The following EYA1 variants were observed in gnomAD, a reference collection of about 807,000 sequenced individuals.
EYA1 encodes the protein EYA transcriptional coactivator and phosphatase 1.
In EYA1, 16 loss-of-function variants were observed where a neutral mutation model predicts 82.0. The observed-to-expected ratio is 0.20, with a 90% confidence interval of 0.13 to 0.30. The LOEUF (loss-of-function observed/expected upper bound fraction) is 0.30. EYA1 is among the 10% of genes least tolerant of loss of function. The pLI is 1.00. For missense variants in EYA1, 633 were observed against 730.7 expected (o/e 0.87, Z 1.54); for synonymous variants, 261 against 264.4 (o/e 0.99, Z 0.12).
At chr8:71,497,267 T>C (rs1356216849) in intron 2 of EYA1, among the ~76,000 whole-genome samples, 2 of 152,192 alleles carry the variant, frequency 1.3e-5, no homozygotes, top group African/African-American at 4.8e-5. Context: ...TTTAGAAATT[T>C]GTGTTGGGCC....
At chr8:71,279,905 T>C (rs369621578) in intron 9 of EYA1, among the ~76,000 whole-genome samples, 30 of 152,306 alleles carry the variant, frequency 2.0e-4, no homozygotes, top group East Asian at 3.9e-4. Context: ...ATTTTTCCTG[T>C]CAAGAGTCAT....
At chr8:71,389,496 A>G (rs756695713) in intron 2 of EYA1, among the ~76,000 whole-genome samples, 2 of 152,202 alleles carry the variant, frequency 1.3e-5, no homozygotes, top group African/African-American at 4.8e-5. Context: ...ACAAGTTTCA[A>G]AACGTGAGTT....
At chr8:71,207,835 G>A (rs1808009539) in intron 17 of EYA1, among the ~76,000 whole-genome samples, 1 of 113,306 alleles carries the variant, frequency 8.8e-6, no homozygotes, top group Admixed American at 1.1e-4. Flanking sequence ...AATTGTAATA[G>A]AATACTTTTG....
In EYA1 at chr8:71,516,912, T is replaced by C. The variant is rs77254605; in HGVS notation, c.33+18832A>G. 4.7e-3 allele frequency among the ~76,000 whole-genome samples: 722 copies of C among 152,252 alleles called. 6 individuals carry two copies. Among genetic ancestry groups the C allele is most frequent in the African/African-American group, 0.016 (679 of 41,568 alleles). ...TACTTGTCAATACAAGTAATCTGGA[T>C]TCCACCCTTCACTGTCAAACTCAAA... On this transcript the variant is annotated intron_variant, in intron 2 of 18. Transcript: ENST00000643681.
At chr8:71,341,857 A>G (rs552671310) in intron 3 of EYA1, among the ~76,000 whole-genome samples, 1 of 152,336 alleles carries the variant, frequency 6.6e-6, no homozygotes, top group East Asian at 1.9e-4. Context: ...AAAAAGAAAC[A>G]TTAGTCTATT....
intron 6 of EYA1, among the ~76,000 whole-genome samples, chr8:71,319,212 G>C (rs1563457234): frequency 6.6e-6 from 1 of 151,582 alleles, no homozygotes; most frequent in East Asian, 1.9e-4. Context: ...CTCACTGCAA[G>C]CTCCACCTCC....
intron 17 of EYA1, among the ~76,000 whole-genome samples, chr8:71,208,672 T>A (rs1006609112): frequency 2.0e-5 from 3 of 152,100 alleles, no homozygotes; most frequent in Non-Finnish European, 4.4e-5. Context: ...GGCACATGTA[T>A]ACCTATGTAT....
chr8:71,407,031 A>C, intron 2 of EYA1, among the ~76,000 whole-genome samples: 1 of 119,846 alleles, frequency 8.3e-6, no homozygotes, highest in Non-Finnish European at 1.9e-5. Flanking sequence ...AGATCTGAGA[A>C]CGGGCAGACT....
Position 71,376,242 on chromosome 8 carries a change from C to A in EYA1, c.34-19731G>T, listed in dbSNP as rs143306335. 6.3e-4 allele frequency among the ~76,000 whole-genome samples: 96 copies of A among 151,998 alleles called. 1 individual carries two copies. The Middle Eastern group carries it at 0.031, about 48-fold the overall frequency. On this transcript the variant is annotated intron_variant, in intron 2 of 18. Transcript: ENST00000643681. Reference sequence around the variant, plus strand: ...GTCTACACAAAAGGAACAGCAAGTTCAAAGGGAGAAAGCTTAGCAAGTAGG... The same window carrying A: ...GTCTACACAAAAGGAACAGCAAGTTAAAAGGGAGAAAGCTTAGCAAGTAGG...
chr8:71,233,026 G>A (rs373224925), intron 12 of EYA1, among the ~76,000 whole-genome samples: 5 of 152,276 alleles, frequency 3.3e-5, no homozygotes, highest in Non-Finnish European at 7.4e-5. Flanking sequence ...GGGCCCTCAC[G>A]AATGAATGAA....
intron 2 of EYA1, among the ~76,000 whole-genome samples, chr8:71,502,158 C>T (rs1043755315): frequency 6.6e-6 from 1 of 152,196 alleles, no homozygotes; most frequent in Non-Finnish European, 1.5e-5. Context: ...TCAGATAATG[C>T]AATACCAGAT....
At chr8:71,305,975 A>G (rs975655838) in intron 7 of EYA1, among the ~76,000 whole-genome samples, 2 of 152,220 alleles carry the variant, frequency 1.3e-5, no homozygotes, top group Non-Finnish European at 2.9e-5. Flanking sequence ...GTGATGCAAA[A>G]GAAGTGGGCA....
intron 3 of EYA1, among the ~76,000 whole-genome samples, chr8:71,345,984 A>G (rs979784054): frequency 1.3e-5 from 2 of 152,068 alleles, no homozygotes; most frequent in African/African-American, 2.4e-5. Flanking sequence ...TCTTACACAT[A>G]CACACAAACA....
At chr8:71,459,049 A>G (rs1808173072) in intron 2 of EYA1, among the ~76,000 whole-genome samples, 1 of 152,150 alleles carries the variant, frequency 6.6e-6, no homozygotes, top group East Asian at 1.9e-4. Flanking sequence ...ACTGGTGTGT[A>G]TAAAGAAACT....
At chr8:71,524,145 G>T (rs1813641978) in intron 2 of EYA1, among the ~76,000 whole-genome samples, 1 of 152,070 alleles carries the variant, frequency 6.6e-6, no homozygotes, top group Admixed American at 6.5e-5. Flanking sequence ...GTCAATGCAG[G>T]CATACTAACC....
chr8:71,419,297 A>C (rs1831019242), intron 2 of EYA1, among the ~76,000 whole-genome samples: 1 of 152,216 alleles, frequency 6.6e-6, no homozygotes, highest in Non-Finnish European at 1.5e-5. Context: ...TCATATATAC[A>C]TATTATAGCT....
intron 2 of EYA1, among the ~76,000 whole-genome samples, chr8:71,388,365 T>C (rs1463402730): frequency 5.3e-5 from 8 of 152,170 alleles, no homozygotes. Context: ...CATACAACTC[T>C]TGTAAAGAAG....
At chr8:71,413,147 A>T (rs1168814730) in intron 2 of EYA1, among the ~76,000 whole-genome samples, 2 of 152,220 alleles carry the variant, frequency 1.3e-5, no homozygotes, top group African/African-American at 4.8e-5. Context: ...CAGAAGCAGA[A>T]TAAAATCAAA....
chr8:71,344,080 A>G (rs984075764), intron 3 of EYA1, among the ~76,000 whole-genome samples: 1 of 152,146 alleles, frequency 6.6e-6, no homozygotes, highest in Admixed American at 6.5e-5. Flanking sequence ...CACTTCCCCT[A>G]AACACTTCAG....
Sources: allele counts gnomAD v4.1 joint callset (sites outside exome capture counted in the v4.1 genomes callset), GRCh38; gene constraint gnomAD v4.1.1; transcripts MANE v1.5; gene names NCBI Gene and HGNC (gene_info 2026-07-23, HGNC 2026-07-21).